TRIM46: variants seen among roughly 807,000 people sequenced by gnomAD.
The protein encoded by TRIM46 is tripartite motif-containing protein 46.
TRIM46 carries 17 observed loss-of-function variants against 69.7 expected under a neutral mutation model. The observed-to-expected ratio is 0.24, with a 90% confidence interval of 0.17 to 0.37. The LOEUF (loss-of-function observed/expected upper bound fraction) is 0.37, where lower values mean the gene tolerates loss of function less well. Ranked by LOEUF, TRIM46 falls within the 10% of genes least tolerant of loss-of-function variation. The pLI is 1.00. For synonymous variants in TRIM46, 391 were observed against 429.0 expected (o/e 0.91, Z 1.09); for missense variants, 675 against 1,025.1 (o/e 0.66, Z 4.66).
Position 155,175,993 on chromosome 1 carries a change from T to C in TRIM46, c.431T>C (p.Leu144Pro). ...GATGTGGAGCTTGGGGAGCGGGGTC[T>C]GGCAGGGCTTTTCCGGAACCTGACC... ...QGDVELGERGLAGLFRNLTLE... is the reference protein window; with the variant it reads ...QGDVELGERGPAGLFRNLTLE... The change falls in exon 3 of 10, where the codon CTG becomes CCG. Residue 144 changes from leucine to proline, a missense_variant. Physicochemically the swap from Leu to Pro is moderately conservative, Grantham distance 98. This residue lies in a region of TRIM46 where 170 missense variants were observed against 255.6 expected (regional missense o/e 0.67). Transcript: ENST00000334634. The surrounding 1 kb of genome is among the most constrained non-coding windows in gnomAD (Gnocchi z 4.2). 1 of 1,613,736 alleles carries C rather than the reference T, an allele frequency of 6.2e-7. No individual in the cohort carries two copies. The highest frequency in any genetic ancestry group is 8.5e-7 in the Non-Finnish European group (1 of 1,179,700).
At chr1:155,179,569 CCCTGCCCT>C in intron 7 of TRIM46, 55 bp from the exon 8 acceptor site, 26 of 1,487,380 alleles carry the variant, frequency 1.7e-5, no homozygotes, top group Non-Finnish European at 2.4e-5. Context: ...TCCTGCCTGC[CCCTGCCCT>C]CCATGCCAGG....
intron 5 of TRIM46, 118 bp from the exon 6 acceptor site, chr1:155,177,882 ATT>A: frequency 7.1e-7 from 1 of 1,413,708 alleles, no homozygotes; most frequent in Non-Finnish European, 9.5e-7. Flanking sequence ...GGTGAGTAGG[ATT>A]TCCCCAGATC....
intron 9 of TRIM46, 59 bp from the exon 10 acceptor site, chr1:155,183,738 G>A (rs1666350619): frequency 1.3e-6 from 2 of 1,583,234 alleles, no homozygotes; most frequent in East Asian, 2.2e-5. Context: ...GTCTCCCTCT[G>A]GTACCTCATC....
At chr1:155,174,617 G>T (rs746403154) in intron 1 of TRIM46, 14 of 1,529,722 alleles carry the variant, frequency 9.2e-6, no homozygotes, top group Non-Finnish European at 1.7e-6. Flanking sequence ...CCCTGACCGG[G>T]ATGGCTGCGA....
At chr1:155,180,314 A>C in intron 8 of TRIM46, 1 of 310,016 alleles carries the variant, frequency 3.2e-6, no homozygotes, top group Non-Finnish European at 5.9e-6. Context: ...AAAAATAAAT[A>C]GGCCAGGCGA....
intron 9 of TRIM46, 144 bp from the exon 10 acceptor site, chr1:155,183,653 T>C: frequency 9.5e-7 from 1 of 1,053,176 alleles, no homozygotes; most frequent in Non-Finnish European, 1.4e-6. Context: ...AACCCCTGCC[T>C]CTTCAGCGTT....
At chr1:155,183,112 G>T (rs774360963) in intron 9 of TRIM46, among the ~76,000 whole-genome samples, 2 of 151,678 alleles carry the variant, frequency 1.3e-5, no homozygotes, top group Admixed American at 6.6e-5. Context: ...GGCTTTCACC[G>T]TGTTAGCCAG....
chr1:155,182,247 C>A, intron 9 of TRIM46, 98 bp downstream of exon 9: 1 of 678,010 alleles, frequency 1.5e-6, no homozygotes, highest in Non-Finnish European at 2.4e-6. Flanking sequence ...TAGGGTGGGG[C>A]TGGGAGGGGA....
chr1:155,181,405 G>T lies in TRIM46; in HGVS notation c.1589-447G>T, dbSNP rs570728735. On this transcript the variant is annotated intron_variant, in intron 8 of 9. Coordinates refer to ENST00000334634, the MANE Select transcript of TRIM46 (RefSeq NM_025058.5). This position sits in a 1 kb window ranked among gnomAD's most constrained non-coding sequence, Gnocchi z 4.3. ...TAGAAAATAGTTCGGACTCCAGGGG[G>T]TGGGCATAAGAGGGAAGCCTTGCCA... Among the ~76,000 whole-genome samples the T allele has an allele frequency of 6.6e-6, 1 of 152,158 alleles. No individual in the cohort carries two copies. The highest frequency in any genetic ancestry group is 1.5e-5 in the Non-Finnish European group (1 of 68,036).
In TRIM46 at chr1:155,181,362, G is replaced by T. The variant is rs1666163716; in HGVS notation, c.1589-490G>T. 6.6e-6 allele frequency among the ~76,000 whole-genome samples: 1 copy of T among 152,220 alleles called. No homozygotes were observed. The highest frequency in any genetic ancestry group is 1.5e-5 in the Non-Finnish European group (1 of 68,044). On this transcript the variant is annotated intron_variant, in intron 8 of 9. Coordinates refer to ENST00000334634, the MANE Select transcript of TRIM46 (RefSeq NM_025058.5). The surrounding 1 kb of genome is among the most constrained non-coding windows in gnomAD (Gnocchi z 4.3). ...TGTCCGGCTCATGGTTAGGGCTCAA[G>T]AATGTTACTAAAGTGACTAGAAAAT...
chr1:155,173,954 G>C lies in TRIM46; in HGVS notation c.-13G>C, dbSNP rs978999418. 3.8e-6 allele frequency: 6 copies of C among 1,571,734 alleles called. No homozygotes were observed. Among genetic ancestry groups the C allele is most frequent in the East Asian group, 2.4e-5 (1 of 42,358 alleles). Reference sequence around the variant, plus strand: ...GGATCGGGCACCCAGGGGCGGGCGGGCACGGTAGGGCCATGGCAGAGGGTG... The same window carrying C: ...GGATCGGGCACCCAGGGGCGGGCGGCCACGGTAGGGCCATGGCAGAGGGTG... On this transcript the variant is annotated 5_prime_UTR_variant, in exon 1 of 10. Transcript: ENST00000334634.
chr1:155,178,340 T>G (rs12736957), intron 6 of TRIM46, 85 bp downstream of exon 6: 1 of 1,559,052 alleles, frequency 6.4e-7, no homozygotes. Flanking sequence ...TACTGCCAGG[T>G]GGAGAACTGG....
At position 155,184,030 on chromosome 1, in the gene TRIM46, C is replaced by G; in HGVS notation, c.2120C>G (p.Ala707Gly). The G allele has an allele frequency of 6.2e-7, 1 of 1,614,154 alleles. No homozygotes were observed. The highest frequency in any genetic ancestry group is 8.5e-7 in the Non-Finnish European group (1 of 1,180,038). The change falls in exon 10 of 10, where the codon GCT (alanine) becomes GGT (glycine). Residue 707 changes from alanine to glycine, a missense_variant. Physicochemically the swap from Ala to Gly is moderately conservative, Grantham distance 60. Transcript: ENST00000334634. The surrounding 1 kb of genome is among the most constrained non-coding windows in gnomAD (Gnocchi z 5.6). Reference protein sequence around the residue: ...YERGRVSFLDAVSFRGLLECP... With the variant: ...YERGRVSFLDGVSFRGLLECP... ...CGGGGCCGGGTTTCCTTCCTGGATG[C>G]TGTTTCCTTCCGTGGGCTCTTGGAG...
intron 9 of TRIM46, chr1:155,182,630 C>T (rs1041164549): frequency 4.0e-5 from 7 of 175,830 alleles, no homozygotes; most frequent in East Asian, 1.6e-4. Flanking sequence ...CACTGGAGGT[C>T]GAGAGTTCGA....
At chr1:155,177,114 A>G (rs1453244731) in intron 4 of TRIM46, 39 bp downstream of exon 4, 1 of 1,613,012 alleles carries the variant, frequency 6.2e-7, no homozygotes, top group Non-Finnish European at 8.5e-7. Context: ...GCTAACTCAC[A>G]CTCTTACCCT....
At chr1:155,183,652 C>G (rs1203477399) in intron 9 of TRIM46, 145 bp from the exon 10 acceptor site, 10 of 1,043,724 alleles carry the variant, frequency 9.6e-6, no homozygotes, top group African/African-American at 1.6e-5. Context: ...TAACCCCTGC[C>G]TCTTCAGCGT....
chr1:155,179,318 C>A (rs1158659218), intron 7 of TRIM46, among the ~76,000 whole-genome samples: 1 of 152,188 alleles, frequency 6.6e-6, no homozygotes, highest in Non-Finnish European at 1.5e-5. Context: ...TGATCTGATA[C>A]CCTCATTTGA....
chr1:155,180,965 T>C (rs921477885), intron 8 of TRIM46, among the ~76,000 whole-genome samples: 2 of 152,176 alleles, frequency 1.3e-5, no homozygotes, highest in Admixed American at 6.5e-5. Context: ...CTGGGCACAG[T>C]GGCTCACGCC....
chr1:155,178,250 C>A lies in TRIM46; in HGVS notation c.1158C>A (p.His386Gln). The A allele has an allele frequency of 6.3e-7, 1 of 1,599,490 alleles. No individual in the cohort carries two copies. Among genetic ancestry groups the A allele is most frequent in the South Asian group, 1.1e-5 (1 of 89,750 alleles). The change falls in exon 6 of 10, where the codon CAC becomes CAA. Residue 386 changes from histidine (H) to glutamine (Q), a missense_variant. Physicochemically the swap from His to Gln is conservative, Grantham distance 24 (BLOSUM62 0). This residue lies in a region of TRIM46 where 361 missense variants were observed against 498.3 expected (regional missense o/e 0.72). Coordinates refer to ENST00000334634, the MANE Select transcript of TRIM46 (RefSeq NM_025058.5). ...PCFVQAAKQL[H>Q]NRIARATEAL... is the part of the protein sequence containing the mutation. ...TTGTGCAAGCCGCCAAGCAGCTGCA[C>A]AACAGGTACTCAGGGGCATGGGCTC...
Sources: allele counts gnomAD v4.1 joint callset (sites outside exome capture counted in the v4.1 genomes callset), GRCh38; gene constraint gnomAD v4.1.1; regional missense constraint gnomAD v4.1.1; non-coding constraint Gnocchi (gnomAD v3.1); transcripts MANE v1.5; gene names NCBI Gene and HGNC (gene_info 2026-07-23, HGNC 2026-07-21).